Variants in ACSBG1 observed in about 807,000 individuals in gnomAD.
ACSBG1 encodes long-chain-fatty-acid--CoA ligase ACSBG1.
ACSBG1 carries 39 observed loss-of-function variants against 80.2 expected under a neutral mutation model. The ratio of observed to expected loss-of-function variants is 0.49; its 90% confidence interval spans 0.38 to 0.64. The LOEUF is 0.64. Among genes scored for constraint, ACSBG1 ranks in the 30% least tolerant of loss-of-function variants. The pLI, the probability that ACSBG1 is intolerant of heterozygous loss-of-function variation, is 0.00. For synonymous variants in ACSBG1, 392 were observed against 379.5 expected (o/e 1.03, Z -0.38); for missense variants, 828 against 966.4 (o/e 0.86, Z 1.90).
intron 1 of ACSBG1, among the ~76,000 whole-genome samples, chr15:78,208,453 G>A (rs1190670576): frequency 6.6e-6 from 1 of 152,176 alleles, no homozygotes; most frequent in African/African-American, 2.4e-5. Flanking sequence ...CGGGGCTAAG[G>A]TCCGCACTGG....
chr15:78,172,451 T>C lies in ACSBG1; in HGVS notation c.2090-922A>G, dbSNP rs573372393. Among the ~76,000 whole-genome samples the C allele has an allele frequency of 9.8e-5, 15 of 152,296 alleles. No individual in the cohort carries two copies. The East Asian group carries it at 1.5e-3, about 16-fold the overall frequency. ...TGAGAGGTCTTCCCCTAATTACTTT[T>C]CTTAACCTTGATTTATCCCCCAAAA... On this transcript the variant is annotated intron_variant, in intron 13 of 13. Transcript: ENST00000258873. This position sits in a 1 kb window ranked among gnomAD's most constrained non-coding sequence, Gnocchi z 4.1.
At chr15:78,205,501 C>A (rs1201494448) in intron 2 of ACSBG1, among the ~76,000 whole-genome samples, 1 of 152,204 alleles carries the variant, frequency 6.6e-6, no homozygotes, top group Non-Finnish European at 1.5e-5. Flanking sequence ...ATGATGCTAT[C>A]TAGGTCCCAA....
At chr15:78,176,069 A>C (rs2074879824) in intron 11 of ACSBG1, among the ~76,000 whole-genome samples, 1 of 105,604 alleles carries the variant, frequency 9.5e-6, no homozygotes, top group Admixed American at 8.3e-5. Context: ...TTTAAGATTT[A>C]ATAATTTTTT....
Position 78,199,745 on chromosome 15 carries a change from C to T in ACSBG1, c.233-5019G>A, listed in dbSNP as rs994510598. On this transcript the variant is annotated intron_variant, in intron 2 of 13. Coordinates refer to ENST00000258873, the MANE Select transcript of ACSBG1 (RefSeq NM_015162.5). ...CTCCTGGTCTCAAGCAATCCTCCTA[C>T]CTTGACCTCCCAAAGTGCTGGGATT... 2.0e-4 allele frequency among the ~76,000 whole-genome samples: 30 copies of T among 151,620 alleles called. 1 individual carries two copies. The highest frequency in any genetic ancestry group is 2.1e-4 in the South Asian group (1 of 4,778).
chr15:78,173,902 G>A, intron 12 of ACSBG1, 63 bp from the exon 13 acceptor site: 1 of 1,562,896 alleles, frequency 6.4e-7, no homozygotes, highest in Non-Finnish European at 8.7e-7. Flanking sequence ...CCCTGGTCCT[G>A]GAGGAGGTCT....
intron 2 of ACSBG1, among the ~76,000 whole-genome samples, chr15:78,195,654 G>A (rs1171655407): frequency 1.3e-5 from 2 of 152,298 alleles, no homozygotes; most frequent in South Asian, 2.1e-4. Context: ...TATGGCTGGT[G>A]CTCCATAAAT....
At position 78,178,478 on chromosome 15, in the gene ACSBG1, T is replaced by C; in HGVS notation, c.1702+136A>G. 1 of 966,186 alleles carries C rather than the reference T, an allele frequency of 1.0e-6. No homozygotes were observed. The highest frequency in any genetic ancestry group is 1.5e-6 in the Non-Finnish European group (1 of 677,996). 59.9% of individuals were successfully genotyped at this position (966,186 alleles called of 1,614,324 possible). A position where few individuals can be genotyped will look rare whatever the true frequency, so the allele number is the denominator to read the frequency against. On this transcript the variant is annotated intron_variant, in intron 11 of 13. Transcript: ENST00000258873. The surrounding 1 kb of genome is among the most constrained non-coding windows in gnomAD (Gnocchi z 4.3). ...CACGCCCAGCTAATTTTTCGTGTGT[T>C]TTTAGTAGAGATGGGGTTTCGCTGT...
At chr15:78,223,240 G>C (rs1390123684) in intron 1 of ACSBG1, among the ~76,000 whole-genome samples, 1 of 113,344 alleles carries the variant, frequency 8.8e-6, no homozygotes. Context: ...TAGAGGCGCT[G>C]AACAATGAGA....
chr15:78,175,560 C>T (rs1393346033), intron 11 of ACSBG1, among the ~76,000 whole-genome samples: 1 of 152,190 alleles, frequency 6.6e-6, no homozygotes, highest in South Asian at 2.1e-4. Context: ...CTGAAGCTCA[C>T]AGGCCTTAAG....
intron 1 of ACSBG1, among the ~76,000 whole-genome samples, chr15:78,233,739 G>A (rs1239869098): frequency 6.6e-6 from 1 of 152,208 alleles, no homozygotes; most frequent in Admixed American, 6.5e-5. Flanking sequence ...TCTGGCCAGG[G>A]CATCCCAGGG....
Position 78,178,600 on chromosome 15 carries a change from C to T in ACSBG1, c.1702+14G>A, listed in dbSNP as rs2074906907. On this transcript the variant is annotated intron_variant, in intron 11 of 13. Coordinates refer to ENST00000258873, the MANE Select transcript of ACSBG1 (RefSeq NM_015162.5). The surrounding 1 kb of genome is among the most constrained non-coding windows in gnomAD (Gnocchi z 4.3). ...TACAGGCATGAGCCACCGTGCCTGG[C>T]CTGGGGTGCTCACCTTTGAGGCGCC... 1.3e-6 allele frequency: 2 copies of T among 1,598,768 alleles called. No individual in the cohort carries two copies.
At position 78,168,241 on chromosome 15, in the gene ACSBG1, G is replaced by A. The variant is rs2074772972; in HGVS notation, c.*3203C>T. On this transcript the variant is annotated 3_prime_UTR_variant, in exon 14 of 14. Coordinates refer to ENST00000258873, the MANE Select transcript of ACSBG1 (RefSeq NM_015162.5). Reference sequence around the variant, plus strand: ...GTTCAAGACCAGCCTGGGCCACATAGTGAGACCCCGTCTCTTAAAAAAAAA... The same window carrying A: ...GTTCAAGACCAGCCTGGGCCACATAATGAGACCCCGTCTCTTAAAAAAAAA... 1 of 147,124 alleles carries A rather than the reference G, an allele frequency of 6.8e-6. No individual in the cohort carries two copies. Among genetic ancestry groups the A allele is most frequent in the East Asian group, 1.9e-4 (1 of 5,160 alleles). The allele number at this position is 147,124 out of a possible 1,614,324, so 9.1% of individuals were successfully genotyped here.
chr15:78,209,066 G>A (rs1371146267), intron 1 of ACSBG1: 3 of 439,442 alleles, frequency 6.8e-6, no homozygotes, highest in Non-Finnish European at 1.4e-5. Context: ...TAGGACCCTG[G>A]CTCCAGGGAG....
chr15:78,197,554 A>G (rs2075125604), intron 2 of ACSBG1, among the ~76,000 whole-genome samples: 1 of 151,812 alleles, frequency 6.6e-6, no homozygotes, highest in South Asian at 2.1e-4. Flanking sequence ...CCCTGTCTCT[A>G]CTAAAAATAC....
intron 1 of ACSBG1, among the ~76,000 whole-genome samples, chr15:78,233,240 C>A (rs373993111): frequency 1.3e-5 from 2 of 152,230 alleles, no homozygotes; most frequent in African/African-American, 4.8e-5. Context: ...TCTGGAAGAA[C>A]AGGAGTCCAC....
intron 1 of ACSBG1, among the ~76,000 whole-genome samples, chr15:78,226,267 A>G (rs972190215): frequency 6.6e-6 from 1 of 152,236 alleles, no homozygotes; most frequent in East Asian, 1.9e-4. Flanking sequence ...GCCATATTCT[A>G]TGTTAGAAAT....
At chr15:78,215,485 CG>C (rs2075299910) in intron 1 of ACSBG1, among the ~76,000 whole-genome samples, 1 of 151,880 alleles carries the variant, frequency 6.6e-6, no homozygotes. Flanking sequence ...GGTGAAACCC[CG>C]TCTCTACTAA....
intron 1 of ACSBG1, among the ~76,000 whole-genome samples, chr15:78,227,316 A>C (rs2075413094): frequency 1.3e-5 from 2 of 152,022 alleles, no homozygotes; most frequent in Non-Finnish European, 2.9e-5. Flanking sequence ...TATCTGACAA[A>C]ATATAACCAG....
intron 12 of ACSBG1, among the ~76,000 whole-genome samples, 186 bp downstream of exon 12, chr15:78,174,199 A>G (rs751772406): frequency 5.3e-5 from 8 of 152,214 alleles, no homozygotes; most frequent in Non-Finnish European, 1.2e-4. Flanking sequence ...ACGGTGGCTT[A>G]TGTGGGACAG....
Sources: allele counts gnomAD v4.1 joint callset (sites outside exome capture counted in the v4.1 genomes callset), GRCh38; gene constraint gnomAD v4.1.1; non-coding constraint Gnocchi (gnomAD v3.1); transcripts MANE v1.5; gene names NCBI Gene and HGNC (gene_info 2026-07-23, HGNC 2026-07-21).